The following TEX9 variants were observed in gnomAD, a reference collection of about 807,000 sequenced individuals.
TEX9 encodes testis-expressed protein 9.
In TEX9, 74 loss-of-function variants were observed where a neutral mutation model predicts 59.6. The observed-to-expected ratio is 1.24, with a 90% CI of 1.03 to 1.51. The LOEUF (loss-of-function observed/expected upper bound fraction) is 1.51. Among genes scored for constraint, TEX9 ranks in the 40% most tolerant of loss-of-function variants. TEX9 has a pLI of 0.00. For missense variants in TEX9, 522 were observed against 447.8 expected (o/e 1.17, Z -1.49); for synonymous variants, 186 against 152.2 (o/e 1.22, Z -1.64).
intron 12 of TEX9, chr15:56,434,007 T>G (rs946599330): frequency 1.1e-4 from 111 of 985,280 alleles, no homozygotes; most frequent in Non-Finnish European, 1.5e-4. Context: ...GTCAGAAAAT[T>G]TATATATATA....
At chr15:56,288,857 C>G (rs2045015415) in intron 1 of TEX9, among the ~76,000 whole-genome samples, 1 of 152,102 alleles carries the variant, frequency 6.6e-6, no homozygotes, top group South Asian at 2.1e-4. Context: ...ATCTTAACTC[C>G]TATAACTCTA....
intron 9 of TEX9, among the ~76,000 whole-genome samples, chr15:56,403,893 A>G (rs1323962168): frequency 3.3e-5 from 5 of 152,258 alleles, no homozygotes; most frequent in African/African-American, 1.2e-4. Context: ...AGGAGTCCCT[A>G]TTTAATAAAT....
At chr15:56,416,308 C>T (rs1252522879) in intron 10 of TEX9, among the ~76,000 whole-genome samples, 2 of 151,862 alleles carry the variant, frequency 1.3e-5, no homozygotes, top group Non-Finnish European at 2.9e-5. Flanking sequence ...CAAGGGAATG[C>T]TTCCAGCTTT....
intron 10 of TEX9, among the ~76,000 whole-genome samples, chr15:56,423,047 C>T (rs1398178105): frequency 2.0e-5 from 3 of 152,114 alleles, no homozygotes; most frequent in African/African-American, 7.2e-5. Context: ...ATTCATCCAT[C>T]AGTGGACAGT....
chr15:56,371,761 G>C (rs16976885), intron 2 of TEX9, among the ~76,000 whole-genome samples: 2 of 151,962 alleles, frequency 1.3e-5, no homozygotes, highest in Admixed American at 1.3e-4. Flanking sequence ...GTTTTTCCAT[G>C]GTGTCCTTGT....
At chr15:56,436,310 A>C in intron 12 of TEX9, among the ~76,000 whole-genome samples, 1 of 152,172 alleles carries the variant, frequency 6.6e-6, no homozygotes, top group Non-Finnish European at 1.5e-5. Context: ...ACTCACTCAA[A>C]ACCGCTCAGC....
At chr15:56,338,862 G>A (rs1297171724) in intron 1 of TEX9, among the ~76,000 whole-genome samples, 1 of 152,012 alleles carries the variant, frequency 6.6e-6, no homozygotes, top group East Asian at 1.9e-4. Flanking sequence ...AGGTTGCATT[G>A]AGCCAAGATC....
At chr15:56,374,935 T>A (rs1169681403) in intron 3 of TEX9, among the ~76,000 whole-genome samples, 1 of 152,214 alleles carries the variant, frequency 6.6e-6, no homozygotes, top group Admixed American at 6.5e-5. Context: ...ACATTTTATT[T>A]ATCGATTCAT....
intron 1 of TEX9, among the ~76,000 whole-genome samples, chr15:56,249,595 G>A (rs1321172623): frequency 6.6e-6 from 1 of 151,566 alleles, no homozygotes. Context: ...AAAATTAGCC[G>A]GGCATGATGG....
At chr15:56,329,464 T>TCGTGTGGAAACAGAGATA (rs1328221186) in intron 1 of TEX9, among the ~76,000 whole-genome samples, 1 of 152,046 alleles carries the variant, frequency 6.6e-6, no homozygotes, top group African/African-American at 2.4e-5. Flanking sequence ...CCGGGATAAA[T>TCGTGTGGAAACAGAGATA]CGTGTGGAAA....
At chr15:56,396,082 G>A (rs572566032) in intron 9 of TEX9, 1 of 152,190 alleles carries the variant, frequency 6.6e-6, no homozygotes, top group Admixed American at 6.5e-5. Context: ...GTGTGCCATT[G>A]TGAAAATAAA....
chr15:56,429,307 T>A (rs908497412), intron 12 of TEX9: 4 of 656,114 alleles, frequency 6.1e-6, no homozygotes, highest in Non-Finnish European at 1.0e-5. Flanking sequence ...ATGAAATCTA[T>A]TCAACAGATT....
intron 1 of TEX9, among the ~76,000 whole-genome samples, chr15:56,300,224 A>G (rs2045311322): frequency 6.6e-6 from 1 of 151,890 alleles, no homozygotes; most frequent in Non-Finnish European, 1.5e-5. Context: ...GTAGCCAGGC[A>G]GTACTTGCTG....
intron 1 of TEX9, among the ~76,000 whole-genome samples, chr15:56,326,009 A>G (rs949672584): frequency 3.3e-5 from 5 of 152,174 alleles, no homozygotes; most frequent in African/African-American, 1.2e-4. Flanking sequence ...AGAAAGCACA[A>G]ATGGTTCTTT....
At chr15:56,435,434 GA>G (rs368967008) in intron 12 of TEX9, among the ~76,000 whole-genome samples, 7,094 of 146,630 alleles carry the variant, frequency 0.048, 233 homozygotes, top group Admixed American at 0.09. Context: ...GGCTGACCTA[GA>G]AAAAAAAAAT....
intron 1 of TEX9, among the ~76,000 whole-genome samples, chr15:56,263,115 C>T (rs555297350): frequency 1.9e-3 from 285 of 152,254 alleles, no homozygotes; most frequent in Non-Finnish European, 1.6e-3. Context: ...CCTCTGCCTC[C>T]CGAGTTCAAG....
At chr15:56,370,596 G>A (rs1287111416) in intron 2 of TEX9, among the ~76,000 whole-genome samples, 1 of 152,164 alleles carries the variant, frequency 6.6e-6, no homozygotes, top group East Asian at 1.9e-4. Flanking sequence ...TATAAGGATA[G>A]AAATGTTAGA....
chr15:56,244,491 A>C (rs190121602), intron 1 of TEX9, among the ~76,000 whole-genome samples: 1 of 152,212 alleles, frequency 6.6e-6, no homozygotes, highest in Admixed American at 6.5e-5. Context: ...TCCCGGCTCC[A>C]ATCAGGGAAG....
intron 1 of TEX9, among the ~76,000 whole-genome samples, chr15:56,343,164 G>T (rs74947186): frequency 0.044 from 6,677 of 152,118 alleles, 222 homozygotes; most frequent in Admixed American, 0.086. Context: ...GATCAAAGAA[G>T]AAGTTACTAT....
Sources: allele counts gnomAD v4.1 joint callset (sites outside exome capture counted in the v4.1 genomes callset), GRCh38; gene constraint gnomAD v4.1.1; transcripts MANE v1.5; gene names NCBI Gene and HGNC (gene_info 2026-07-23, HGNC 2026-07-21).